The following COL4A4 variants were observed in gnomAD, a reference collection of about 807,000 sequenced individuals.
COL4A4 encodes the protein collagen alpha-4(IV) chain.
Under a neutral mutation model 192.9 loss-of-function variants are expected in COL4A4, and 105 were observed. The observed-to-expected ratio is 0.54, with a 90% confidence interval of 0.46 to 0.64. COL4A4 has a LOEUF of 0.64. Ranked by LOEUF, COL4A4 falls within the 30% of genes least tolerant of loss-of-function variation. The pLI is 0.00. For missense variants in COL4A4, 1,967 were observed against 2,169.3 expected, an observed-to-expected ratio of 0.91 and a Z score of 1.85; for synonymous variants, 762 against 769.9, an observed-to-expected ratio of 0.99 and a Z score of 0.17.
intron 21 of COL4A4, 140 bp from the exon 22 acceptor site, chr2:227,088,956 C>A: frequency 2.0e-6 from 2 of 988,752 alleles, no homozygotes; most frequent in Non-Finnish European, 3.1e-6. Context: ...AGAGCACGTG[C>A]TGTGGGGGCT....
intron 44 of COL4A4, among the ~76,000 whole-genome samples, chr2:227,015,423 G>A (rs941009326): frequency 6.7e-6 from 1 of 149,234 alleles, no homozygotes; most frequent in African/African-American, 2.6e-5. Flanking sequence ...ATCAGGTCTG[G>A]GGGGGACCTC....
downstream of COL4A4, among the ~76,000 whole-genome samples, chr2:227,001,392 T>G (rs200342257): frequency 9.9e-5 from 4 of 40,226 alleles, no homozygotes; most frequent in African/African-American, 8.9e-4. Context: ...CCTGTGGGAT[T>G]CCCCCAAAAT....
chr2:227,147,264 A>C, intron 2 of COL4A4, 149 bp downstream of exon 2: 2 of 787,366 alleles, frequency 2.5e-6, no homozygotes, highest in Non-Finnish European at 4.5e-6. Context: ...AATAATAAAA[A>C]TGAGTCATGA....
intron 29 of COL4A4, among the ~76,000 whole-genome samples, chr2:227,056,962 C>T (rs1414134158): frequency 2.6e-5 from 4 of 152,124 alleles, no homozygotes; most frequent in East Asian, 1.9e-4. Context: ...TAGAGCAGTG[C>T]GAATGGACTA....
At chr2:226,978,173 G>A in the COL4A4 span, among the ~76,000 whole-genome samples, 1 of 152,130 alleles carries the variant, frequency 6.6e-6, no homozygotes, top group African/African-American at 2.4e-5. Flanking sequence ...AACAATTCTA[G>A]AACGCTGTTA....
chr2:226,991,157 T>G, the COL4A4 span, among the ~76,000 whole-genome samples: 3 of 152,228 alleles, frequency 2.0e-5, no homozygotes, highest in Admixed American at 2.0e-4. Context: ...AGCTCTGTAT[T>G]TTAAGAAGTC....
chr2:227,046,043 C>CTATCTAAATATATATACGT (rs373161144), intron 35 of COL4A4, among the ~76,000 whole-genome samples: 7 of 90,706 alleles, frequency 7.7e-5, no homozygotes, highest in Non-Finnish European at 1.0e-4. Flanking sequence ...TACATATATA[C>CTATCTAAATATATATACGT]ATATATACTA....
chr2:227,037,245 C>G (rs201316609), intron 37 of COL4A4, among the ~76,000 whole-genome samples: 2 of 152,146 alleles, frequency 1.3e-5, no homozygotes, highest in East Asian at 3.9e-4. Flanking sequence ...AGCCTCTCAC[C>G]CACTGACAGG....
the COL4A4 span, among the ~76,000 whole-genome samples, chr2:226,968,625 C>T: frequency 1.3e-5 from 2 of 152,188 alleles, no homozygotes; most frequent in African/African-American, 4.8e-5. Flanking sequence ...AAAAGAGCAT[C>T]GCACTTGGAG....
intron 4 of COL4A4, among the ~76,000 whole-genome samples, chr2:227,139,041 G>A (rs936672735): frequency 2.0e-5 from 3 of 152,156 alleles, no homozygotes; most frequent in African/African-American, 7.2e-5. Flanking sequence ...TATTTGGGAG[G>A]TAATTAATCA....
chr2:227,141,661 C>A (rs185221050), intron 3 of COL4A4, among the ~76,000 whole-genome samples: 216 of 152,150 alleles, frequency 1.4e-3, no homozygotes, highest in Non-Finnish European at 2.2e-3. Flanking sequence ...TAAAAGCATA[C>A]AAGAATTTGA....
intron 2 of COL4A4, 161 bp downstream of exon 2, chr2:227,147,252 T>A: frequency 1.3e-6 from 1 of 758,844 alleles, no homozygotes; most frequent in South Asian, 1.4e-5. Flanking sequence ...GGGTTGGTGT[T>A]CAATAATAAA....
At position 227,030,553 on chromosome 2, in the gene COL4A4, C is replaced by A; in HGVS notation, c.3863G>T (p.Arg1288Ile). Residue 1288 changes from arginine to isoleucine, a missense_variant, in exon 41 of 48, where the codon AGA becomes ATA. By Grantham distance (97) the Arg-to-Ile change is moderately conservative. Coordinates refer to ENST00000396625, the MANE Select transcript of COL4A4 (RefSeq NM_000092.5). ...PGLPGSVDLL[R>I]GEPGDCGLPG... ...TAGACCACAGTCACCTGGCTCCCCTCTCAGAAGGTCAACACTCCCAGGGAG... is the reference window on the plus strand; with the variant it reads ...TAGACCACAGTCACCTGGCTCCCCTATCAGAAGGTCAACACTCCCAGGGAG... 1.9e-6 allele frequency: 3 copies of A among 1,614,040 alleles called. No homozygotes were observed. Among genetic ancestry groups the A allele is most frequent in the Non-Finnish European group, 2.5e-6 (3 of 1,179,950 alleles).
intron 9 of COL4A4, among the ~76,000 whole-genome samples, chr2:227,110,814 C>A (rs2124826023): frequency 6.6e-6 from 1 of 151,102 alleles, no homozygotes; most frequent in Non-Finnish European, 1.5e-5. Flanking sequence ...TCCTGAGTAG[C>A]TGGGATTGTA....
At position 227,094,110 on chromosome 2, in the gene COL4A4, T is replaced by G. The variant is rs1216718864; in HGVS notation, c.1369+15A>C. The stretch of plus-strand genomic sequence containing the variant: ...CAGCATAAATGCTAATGGATATGAA[T>G]AAGGAGTACTTTACCACTTGATCCT... On this transcript the variant is annotated intron_variant, in intron 20 of 47. Coordinates refer to ENST00000396625, the MANE Select transcript of COL4A4 (RefSeq NM_000092.5). 4.3e-6 allele frequency: 7 copies of G among 1,611,602 alleles called. No homozygotes were observed. The highest frequency in any genetic ancestry group is 1.7e-4 in the Middle Eastern group (1 of 6,034).
At chr2:227,046,337 T>C (rs1021948168) in intron 35 of COL4A4, among the ~76,000 whole-genome samples, 2 of 123,046 alleles carry the variant, frequency 1.6e-5, no homozygotes, top group African/African-American at 6.5e-5. Context: ...TTTAAGATAA[T>C]GCACAAAATT....
chr2:227,163,049 TG>T (rs1050749946), intron 1 of COL4A4, among the ~76,000 whole-genome samples: 6 of 152,220 alleles, frequency 3.9e-5, no homozygotes, highest in African/African-American at 1.4e-4. Context: ...TGATCATACT[TG>T]GTGTCTGAAG....
chr2:227,049,132 G>C (rs531627456), intron 34 of COL4A4, among the ~76,000 whole-genome samples: 2 of 152,318 alleles, frequency 1.3e-5, no homozygotes, highest in Admixed American at 1.3e-4. Flanking sequence ...TCATTTTAAA[G>C]TAGATTTAAA....
At chr2:227,057,665 T>G in intron 28 of COL4A4, 65 bp from the exon 29 acceptor site, 1 of 1,513,364 alleles carries the variant, frequency 6.6e-7, no homozygotes, top group Non-Finnish European at 9.2e-7. Flanking sequence ...CCATGATGAA[T>G]TGTTCACGCA....
Sources: gnomAD v4.1 joint callset for allele counts (sites outside exome capture counted in the v4.1 genomes callset) on GRCh38, gnomAD v4.1.1 for gene constraint, MANE v1.5 for transcripts, NCBI Gene and HGNC (gene_info 2026-07-23, HGNC 2026-07-21) for gene names.